Variants in C12orf42 observed in about 807,000 individuals in gnomAD.
C12orf42 encodes uncharacterized protein C12orf42.
C12orf42 carries 25 observed loss-of-function variants against 21.6 expected under a neutral mutation model. The observed-to-expected ratio is 1.16, with a 90% confidence interval of 0.84 to 1.62. C12orf42 has a LOEUF of 1.62. Ranked by LOEUF, C12orf42 falls within the 40% of genes most tolerant of loss-of-function variation. The pLI is 0.00. For missense variants in C12orf42, 483 were observed against 459.3 expected (o/e 1.05, Z -0.47); for synonymous variants, 174 against 175.0 (o/e 0.99, Z 0.05).
At chr12:103,526,312 G>C in the C12orf42 span, among the ~76,000 whole-genome samples, 10 of 152,178 alleles carry the variant, frequency 6.6e-5, no homozygotes, top group African/African-American at 2.4e-4. Flanking sequence ...TCAGAAACCA[G>C]AACTCAATTC....
At chr12:103,385,572 A>T (rs563718401) in intron 3 of C12orf42, among the ~76,000 whole-genome samples, 39 of 79,076 alleles carry the variant, frequency 4.9e-4, no homozygotes, top group African/African-American at 1.5e-3. Context: ...ATACATCCAT[A>T]TAATAATAAT....
At chr12:103,490,487 T>C (rs1185627071) in intron 1 of C12orf42, among the ~76,000 whole-genome samples, 3 of 152,098 alleles carry the variant, frequency 2.0e-5, no homozygotes, top group Non-Finnish European at 4.4e-5. Flanking sequence ...TATTCAATAT[T>C]ATTATTTATC....
At chr12:103,171,121 C>G in the C12orf42 span, among the ~76,000 whole-genome samples, 6 of 152,220 alleles carry the variant, frequency 3.9e-5, no homozygotes, top group East Asian at 9.6e-4. Context: ...AAGATTGTCA[C>G]CTTTATTTAT....
the C12orf42 span, among the ~76,000 whole-genome samples, chr12:103,092,006 G>A: frequency 6.6e-6 from 1 of 152,206 alleles, no homozygotes; most frequent in African/African-American, 2.4e-5. Context: ...ACTGATCACA[G>A]CACTTGCAGA....
At chr12:103,352,499 T>C (rs1419850516) in intron 4 of C12orf42, among the ~76,000 whole-genome samples, 1 of 152,142 alleles carries the variant, frequency 6.6e-6, no homozygotes, top group East Asian at 1.9e-4. Flanking sequence ...TATTTTTTCC[T>C]ATGAGGCTTT....
the C12orf42 span, among the ~76,000 whole-genome samples, chr12:103,523,463 C>T: frequency 3.3e-5 from 5 of 151,436 alleles, no homozygotes; most frequent in Non-Finnish European, 7.4e-5. Flanking sequence ...CCTCATATTC[C>T]AAAAGTTTTA....
chr12:103,346,758 A>T lies in C12orf42; in HGVS notation c.259+22129T>A, dbSNP rs376060213. ...ATACGCCATCTGTATCCAGATTCTCATGTGCTGTTGGCCCTGTGGATTCTA... is the reference window on the plus strand; with the variant it reads ...ATACGCCATCTGTATCCAGATTCTCTTGTGCTGTTGGCCCTGTGGATTCTA... On this transcript the variant is annotated intron_variant, in intron 4 of 5. Coordinates refer to ENST00000548883, the MANE Select transcript of C12orf42 (RefSeq NM_198521.5). Among the ~76,000 whole-genome samples the T allele has an allele frequency of 3.3e-5, 5 of 152,294 alleles. No individual in the cohort carries two copies. The East Asian group carries it at 7.7e-4, about 23-fold the overall frequency.
the C12orf42 span, among the ~76,000 whole-genome samples, chr12:103,135,897 G>A: frequency 3.3e-5 from 5 of 152,242 alleles, no homozygotes; most frequent in African/African-American, 1.2e-4. Flanking sequence ...AGACATTGGT[G>A]GAACATACTT....
the C12orf42 span, among the ~76,000 whole-genome samples, chr12:103,112,369 C>T: frequency 3.3e-5 from 5 of 152,124 alleles, no homozygotes; most frequent in Non-Finnish European, 5.9e-5. Context: ...GATTTAACTA[C>T]TTCATTGTGG....
intron 10 of C12orf42, among the ~76,000 whole-genome samples, chr12:103,254,939 T>A (rs2373980): frequency 0.66 from 100,800 of 152,130 alleles, 34,248 homozygotes; most frequent in East Asian, 0.84. Flanking sequence ...AAAATTTTTT[T>A]AAATTATAAA....
At chr12:103,245,438 G>A (rs2033963792) in intron 10 of C12orf42, among the ~76,000 whole-genome samples, 1 of 151,970 alleles carries the variant, frequency 6.6e-6, no homozygotes. Context: ...AGTAATCACA[G>A]GCAAGTCAAT....
chr12:103,305,932 A>G, intron 5 of C12orf42, 42 bp downstream of exon 5: 1 of 1,553,962 alleles, frequency 6.4e-7, no homozygotes, highest in Non-Finnish European at 8.7e-7. Context: ...AAATGTGACC[A>G]GTTGAAACAA....
At chr12:103,330,892 A>C (rs1282322773) in intron 4 of C12orf42, among the ~76,000 whole-genome samples, 1 of 152,234 alleles carries the variant, frequency 6.6e-6, no homozygotes, top group African/African-American at 2.4e-5. Context: ...GATAAGGCAA[A>C]TGAAATTGAA....
the C12orf42 span, among the ~76,000 whole-genome samples, chr12:103,217,285 C>T: frequency 0.015 from 2,337 of 151,930 alleles, 47 homozygotes; most frequent in African/African-American, 0.052. Context: ...TTTGGGAGGC[C>T]GAGGCGAGAG....
rs534809213 is a variant in C12orf42, at chr12:103,398,561, T to C, written c.147+3046A>G. ...ATATATCTTGAAAGTTTATGATTTTTATACCCTAGGAAACCCGTTTATACC... is the reference window on the plus strand; with the variant it reads ...ATATATCTTGAAAGTTTATGATTTTCATACCCTAGGAAACCCGTTTATACC... On this transcript the variant is annotated intron_variant, in intron 3 of 5. Transcript: ENST00000548883. Among the ~76,000 whole-genome samples, 4 of 152,274 alleles carry C rather than the reference T, an allele frequency of 2.6e-5. No homozygotes were observed. In the South Asian group the frequency reaches 8.3e-4, roughly 32 times the overall value.
chr12:103,105,384 T>C, the C12orf42 span, among the ~76,000 whole-genome samples: 49 of 152,264 alleles, frequency 3.2e-4, no homozygotes, highest in Middle Eastern at 6.8e-3. Context: ...CTAAACAAAT[T>C]AATGCAGAAG....
chr12:103,540,246 T>C, the C12orf42 span, among the ~76,000 whole-genome samples: 2 of 152,210 alleles, frequency 1.3e-5, no homozygotes, highest in African/African-American at 4.8e-5. Flanking sequence ...GACCTCATGA[T>C]CTGCCTGCCG....
At chr12:103,440,502 T>C (rs984552217) in intron 2 of C12orf42, among the ~76,000 whole-genome samples, 4 of 121,306 alleles carry the variant, frequency 3.3e-5, no homozygotes, top group Non-Finnish European at 6.8e-5. Context: ...CTGGTGCAAG[T>C]GGGTACTTCA....
At chr12:103,318,566 T>C (rs2039767502) in intron 4 of C12orf42, among the ~76,000 whole-genome samples, 1 of 152,210 alleles carries the variant, frequency 6.6e-6, no homozygotes, top group Non-Finnish European at 1.5e-5. Flanking sequence ...TGGCACTGCA[T>C]TGTGGTTTTA....
Sources: gnomAD v4.1 joint callset for allele counts (sites outside exome capture counted in the v4.1 genomes callset) on GRCh38, gnomAD v4.1.1 for gene constraint, MANE v1.5 for transcripts, NCBI Gene and HGNC (gene_info 2026-07-23, HGNC 2026-07-21) for gene names.